RIMS2: variants seen among roughly 807,000 people sequenced by gnomAD.
RIMS2 encodes the protein regulating synaptic membrane exocytosis protein 2.
In RIMS2, 59 loss-of-function variants were observed where a neutral mutation model predicts 174.4. The observed-to-expected ratio is 0.34, with a 90% CI of 0.27 to 0.42. The LOEUF (loss-of-function observed/expected upper bound fraction) is 0.42. Ranked by LOEUF, RIMS2 falls within the 10% of genes least tolerant of loss-of-function variation. RIMS2 has a pLI of 1.00. For synonymous variants in RIMS2, 606 were observed against 572.5 expected, an observed-to-expected ratio of 1.06 and a Z score of -0.84; for missense variants, 1,620 against 1,666.3, an observed-to-expected ratio of 0.97 and a Z score of 0.48.
intron 19 of RIMS2, among the ~76,000 whole-genome samples, chr8:104,214,157 A>G (rs2099118957): frequency 6.6e-6 from 1 of 152,074 alleles, no homozygotes; most frequent in African/African-American, 2.4e-5. Context: ...GCATTACAGC[A>G]TTTTCCCTTA....
intron 16 of RIMS2, among the ~76,000 whole-genome samples, chr8:103,981,145 C>A (rs776842903): frequency 1.5e-4 from 23 of 152,210 alleles, no homozygotes; most frequent in Non-Finnish European, 2.8e-4. Flanking sequence ...GCTGTTCTGG[C>A]TTCAGGTCTG....
At chr8:103,760,300 G>A (rs1260064922) in intron 2 of RIMS2, among the ~76,000 whole-genome samples, 1 of 152,188 alleles carries the variant, frequency 6.6e-6, no homozygotes, top group African/African-American at 2.4e-5. Flanking sequence ...ACAATTCATG[G>A]TAAATCTGGA....
chr8:103,581,064 C>T lies in RIMS2; in HGVS notation c.176+80002C>T, dbSNP rs565170984. ...CGATCTCCTGACCTCGTGATCTGCCCGCCTCGGCCTCCCAAAGTTCTGGGA... is the reference window on the plus strand; with the variant it reads ...CGATCTCCTGACCTCGTGATCTGCCTGCCTCGGCCTCCCAAAGTTCTGGGA... On this transcript the variant is annotated intron_variant, in intron 1 of 23. Transcript: ENST00000504942. 4.8e-4 allele frequency among the ~76,000 whole-genome samples: 73 copies of T among 151,954 alleles called. 1 individual carries two copies. Among genetic ancestry groups the T allele is most frequent in the Admixed American group, 1.1e-3 (17 of 15,236 alleles).
chr8:103,674,429 T>C (rs909152863), intron 1 of RIMS2, among the ~76,000 whole-genome samples: 1 of 152,194 alleles, frequency 6.6e-6, no homozygotes, highest in Non-Finnish European at 1.5e-5. Context: ...CACAAGATTT[T>C]CATAAACCTT....
At chr8:104,052,647 T>C (rs1233840426) in intron 19 of RIMS2, among the ~76,000 whole-genome samples, 1 of 152,116 alleles carries the variant, frequency 6.6e-6, no homozygotes, top group Non-Finnish European at 1.5e-5. Context: ...ATAATGATTA[T>C]AGGAGAAGAA....
chr8:103,630,857 T>A lies in RIMS2; in HGVS notation c.177-66229T>A, dbSNP rs186862959. Among the ~76,000 whole-genome samples, 11 of 152,338 alleles carry A rather than the reference T, an allele frequency of 7.2e-5. No homozygotes were observed. In the East Asian group the frequency reaches 1.9e-3, roughly 27 times the overall value. ...AACACAGCCCAAAATATCATTCTAA[T>A]GAGCAGTGAATTGAGCTATTTTTTT... On this transcript the variant is annotated intron_variant, in intron 1 of 23. Transcript: ENST00000504942.
intron 1 of RIMS2, among the ~76,000 whole-genome samples, chr8:103,663,856 A>T (rs941919475): frequency 6.6e-6 from 1 of 152,232 alleles, no homozygotes. Flanking sequence ...GCAAAGCTGG[A>T]GGCATCACAC....
intron 19 of RIMS2, among the ~76,000 whole-genome samples, chr8:104,139,190 C>A (rs938971690): frequency 6.6e-6 from 1 of 152,080 alleles, no homozygotes; most frequent in African/African-American, 2.4e-5. Flanking sequence ...AATTTGAAGT[C>A]AGATAATGTG....
At chr8:104,171,864 G>A (rs1274152856) in intron 19 of RIMS2, among the ~76,000 whole-genome samples, 1 of 151,950 alleles carries the variant, frequency 6.6e-6, no homozygotes, top group Non-Finnish European at 1.5e-5. Flanking sequence ...AATGTTTATT[G>A]TTTATTATAG....
chr8:103,707,254 A>G (rs1354469271), intron 2 of RIMS2, among the ~76,000 whole-genome samples: 2 of 152,182 alleles, frequency 1.3e-5, no homozygotes, highest in African/African-American at 4.8e-5. Context: ...TATCTCTATG[A>G]CTCCAGGGTT....
intron 6 of RIMS2, among the ~76,000 whole-genome samples, chr8:103,914,227 C>G (rs1175159202): frequency 6.6e-6 from 1 of 152,048 alleles, no homozygotes. Context: ...AATAGTGAGA[C>G]CCTTTGTCTT....
intron 3 of RIMS2, among the ~76,000 whole-genome samples, chr8:103,849,319 A>G (rs931738911): frequency 3.9e-5 from 6 of 152,074 alleles, no homozygotes; most frequent in African/African-American, 7.2e-5. Flanking sequence ...GGTCAAGTTC[A>G]TTAGAAACAG....
chr8:103,521,393 T>C (rs544032289), intron 1 of RIMS2, among the ~76,000 whole-genome samples: 1 of 152,240 alleles, frequency 6.6e-6, no homozygotes, highest in South Asian at 2.1e-4. Flanking sequence ...TTTTTATCTG[T>C]ATGCATCATA....
intron 19 of RIMS2, among the ~76,000 whole-genome samples, chr8:104,234,464 A>C (rs1223609285): frequency 6.6e-6 from 1 of 152,006 alleles, no homozygotes; most frequent in East Asian, 1.9e-4. Context: ...ATGCAACTCT[A>C]TCTAAGTAGT....
chr8:103,927,869 C>T (rs2079081207), exon 11 of RIMS2: 1 of 1,607,748 alleles, frequency 6.2e-7, no homozygotes. Flanking sequence ...AAGAACAACG[C>T]CTTTTGTTCC....
chr8:103,587,690 A>T (rs186489907), intron 1 of RIMS2, among the ~76,000 whole-genome samples: 1 of 152,124 alleles, frequency 6.6e-6, no homozygotes, highest in Non-Finnish European at 1.5e-5. Context: ...ATGCTGAAAA[A>T]GCATTTGATA....
At position 103,652,250 on chromosome 8, in the gene RIMS2, A is replaced by G. The variant is rs1450704626; in HGVS notation, c.177-44836A>G. ...CACAACTGACACAGTAAGTAAATGT[A>G]TTAAGAGTGTAGTAGGCTTGACTTC... is the stretch of plus-strand genomic sequence containing the variant. On this transcript the variant is annotated intron_variant, in intron 1 of 23. Coordinates refer to ENST00000504942, the Ensembl canonical transcript of RIMS2. 1 of 1,342,526 alleles carries G rather than the reference A, an allele frequency of 7.4e-7. No individual in the cohort carries two copies. Among genetic ancestry groups the G allele is most frequent in the Non-Finnish European group, 9.9e-7 (1 of 1,013,558 alleles). 83.2% of individuals were successfully genotyped at this position (1,342,526 alleles called of 1,614,324 possible). A position where few individuals can be genotyped will look rare whatever the true frequency, so the allele number is the denominator to read the frequency against.
intron 19 of RIMS2, among the ~76,000 whole-genome samples, chr8:104,129,544 G>A (rs558314037): frequency 6.6e-6 from 1 of 152,354 alleles, no homozygotes; most frequent in Admixed American, 6.5e-5. Flanking sequence ...AGGAAGCTGT[G>A]CCAGATAGGG....
intron 3 of RIMS2, among the ~76,000 whole-genome samples, chr8:103,830,640 T>C (rs1332921441): frequency 6.6e-6 from 1 of 152,190 alleles, no homozygotes; most frequent in African/African-American, 2.4e-5. Flanking sequence ...AATAGTGTTG[T>C]TCAGATCTTC....
Sources: gnomAD v4.1 joint callset for allele counts (sites outside exome capture counted in the v4.1 genomes callset) on GRCh38, gnomAD v4.1.1 for gene constraint, MANE v1.5 for transcripts, NCBI Gene and HGNC (gene_info 2026-07-23, HGNC 2026-07-21) for gene names.